The following XPO4 variants were observed in gnomAD, a reference collection of about 807,000 sequenced individuals.
XPO4 encodes the protein exportin 4.
XPO4 carries 39 observed loss-of-function variants against 143.0 expected under a neutral mutation model. The observed-to-expected ratio is 0.27, with a 90% CI of 0.21 to 0.36. The LOEUF (loss-of-function observed/expected upper bound fraction) is 0.36, where lower values mean the gene tolerates loss of function less well. Ranked by LOEUF, XPO4 falls within the 10% of genes least tolerant of loss-of-function variation. The pLI, the probability that XPO4 is intolerant of heterozygous loss-of-function variation, is 1.00. For missense variants in XPO4, 907 were observed against 1,348.0 expected (o/e 0.67, Z 5.12); for synonymous variants, 439 against 474.0 (o/e 0.93, Z 0.96).
rs1046536521 is a variant in XPO4, at chr13:20,879,190, C to T, written c.70-10489G>A. The T allele has an allele frequency of 8.1e-6, 8 of 985,220 alleles. No individual in the cohort carries two copies. In the African/African-American group the frequency reaches 1.2e-4, roughly 15 times the overall value. 61.0% of individuals were successfully genotyped at this position (985,220 alleles called of 1,614,324 possible). A position where few individuals can be genotyped will look rare whatever the true frequency, so the allele number is the denominator to read the frequency against. On this transcript the variant is annotated intron_variant, in intron 1 of 22. Transcript: ENST00000255305. Reference sequence around the variant, plus strand: ...AGAAGACAGGAGATTAAAGCCAGGGCCCATCTCAGGTAGGGATCTAACAAG... The same window carrying T: ...AGAAGACAGGAGATTAAAGCCAGGGTCCATCTCAGGTAGGGATCTAACAAG...
In XPO4 at chr13:20,782,943, A is replaced by T. The variant is rs1485203166; in HGVS notation, c.*779T>A. On this transcript the variant is annotated 3_prime_UTR_variant, in exon 23 of 23. Coordinates refer to ENST00000255305, the MANE Select transcript of XPO4 (RefSeq NM_022459.5). ...TGATTAGTGACTTGTATTACACAAA[A>T]CCTGCAGCACTGGGTTGATGTGAGA... 1 of 152,532 alleles carries T rather than the reference A, an allele frequency of 6.6e-6. No individual in the cohort carries two copies. 9.4% of individuals were successfully genotyped at this position (152,532 alleles called of 1,614,324 possible).
At chr13:20,858,367 C>T (rs905725647) in intron 3 of XPO4, among the ~76,000 whole-genome samples, 2 of 152,114 alleles carry the variant, frequency 1.3e-5, no homozygotes, top group Non-Finnish European at 2.9e-5. Context: ...TCAGAAGAGA[C>T]ACGTTCAAGA....
chr13:20,872,591 G>A (rs1007942529), intron 1 of XPO4, among the ~76,000 whole-genome samples: 11 of 152,206 alleles, frequency 7.2e-5, no homozygotes, highest in African/African-American at 2.7e-4. Flanking sequence ...ACAGGAAGGA[G>A]GAGGGAAGTT....
At chr13:20,819,431 G>A (rs2059690566) in intron 9 of XPO4, among the ~76,000 whole-genome samples, 2 of 152,108 alleles carry the variant, frequency 1.3e-5, no homozygotes, top group Admixed American at 6.5e-5. Context: ...GGAGGCTGGG[G>A]TGGGTGGACT....
chr13:20,898,371 C>T (rs1232216702), intron 1 of XPO4, among the ~76,000 whole-genome samples: 2 of 152,132 alleles, frequency 1.3e-5, no homozygotes, highest in Non-Finnish European at 2.9e-5. Context: ...TCAAGACTAG[C>T]CTGGCCAACG....
intron 4 of XPO4, among the ~76,000 whole-genome samples, chr13:20,846,299 A>G (rs2060028386): frequency 6.6e-6 from 1 of 152,216 alleles, no homozygotes; most frequent in Non-Finnish European, 1.5e-5. Flanking sequence ...ACATGAAACA[A>G]ACATTTCCCA....
At position 20,797,203 on chromosome 13, in the gene XPO4, A is replaced by T. The variant is rs1595063214; in HGVS notation, c.2323-146T>A. 1.2e-5 allele frequency: 9 copies of T among 751,246 alleles called. No homozygotes were observed. The East Asian group carries it at 2.7e-4, about 22-fold the overall frequency. The allele number at this position is 751,246 out of a possible 1,614,324, so 46.5% of individuals were successfully genotyped here. A position where few individuals can be genotyped will look rare whatever the true frequency, so the allele number is the denominator to read the frequency against. On this transcript the variant is annotated intron_variant, in intron 16 of 22. Coordinates refer to ENST00000255305, the MANE Select transcript of XPO4 (RefSeq NM_022459.5). ...AAAGAATATCTAAACCAGACTTTAC[A>T]CTCCCCATTTTGAGGGTCATCCTAA...
At chr13:20,789,327 A>C (rs1278106905) in intron 19 of XPO4, among the ~76,000 whole-genome samples, 2 of 151,760 alleles carry the variant, frequency 1.3e-5, no homozygotes, top group African/African-American at 4.8e-5. Context: ...AGATCCTGCT[A>C]TGCTGGCAAT....
At chr13:20,901,056 C>G (rs9579965) in intron 1 of XPO4, among the ~76,000 whole-genome samples, 14,615 of 152,206 alleles carry the variant, frequency 0.096, 863 homozygotes, top group Non-Finnish European at 0.14. Flanking sequence ...CCAGACAGAA[C>G]TGAGTTCAAG....
intron 14 of XPO4, among the ~76,000 whole-genome samples, 200 bp from the exon 15 acceptor site, chr13:20,800,525 G>A (rs754916131): frequency 5.3e-5 from 8 of 151,730 alleles, no homozygotes; most frequent in East Asian, 1.9e-4. Flanking sequence ...TGATTTTCCC[G>A]TCAACTTCTA....
chr13:20,867,315 CT>C (rs1421965959), intron 2 of XPO4, among the ~76,000 whole-genome samples: 1 of 152,230 alleles, frequency 6.6e-6, no homozygotes, highest in Admixed American at 6.5e-5. Context: ...TTCACCACTG[CT>C]GCTAGTTCCT....
Position 20,783,647 on chromosome 13 carries a change from C to A in XPO4, c.*75G>T. 1 of 1,518,010 alleles carries A rather than the reference C, an allele frequency of 6.6e-7. No individual in the cohort carries two copies. The allele number at this position is 1,518,010 out of a possible 1,614,324, so 94.0% of individuals were successfully genotyped here. ...TGGCCAAATGAACTGAGGAATAGGA[C>A]AAGACTCAAGTCAACTTTCAGCAAT... On this transcript the variant is annotated 3_prime_UTR_variant, in exon 23 of 23. Transcript: ENST00000255305.
chr13:20,850,767 A>C (rs775229986), intron 4 of XPO4: 1 of 983,640 alleles, frequency 1.0e-6, no homozygotes, highest in Non-Finnish European at 1.2e-6. Context: ...CCTGTTTCTA[A>C]AACAACAAAA....
chr13:20,892,139 T>G (rs1311243965), intron 1 of XPO4, among the ~76,000 whole-genome samples: 1 of 151,968 alleles, frequency 6.6e-6, no homozygotes, highest in Admixed American at 6.6e-5. Context: ...TCACTGCAAG[T>G]GCAGTGGCAC....
At chr13:20,813,125 T>C (rs1338246150) in intron 9 of XPO4, among the ~76,000 whole-genome samples, 1 of 152,016 alleles carries the variant, frequency 6.6e-6, no homozygotes, top group Non-Finnish European at 1.5e-5. Flanking sequence ...AGTGAGGAGA[T>C]AACTGCCACA....
At chr13:20,883,885 A>G (rs904905567) in intron 1 of XPO4, among the ~76,000 whole-genome samples, 10 of 152,146 alleles carry the variant, frequency 6.6e-5, no homozygotes, top group African/African-American at 1.4e-4. Flanking sequence ...CTCCTGCCTC[A>G]GCCTCCCGAG....
chr13:20,850,831 A>C lies in XPO4; in HGVS notation c.456+4796T>G, dbSNP rs1011823371. The C allele has an allele frequency of 2.4e-5, 24 of 985,436 alleles. No individual in the cohort carries two copies. The African/African-American group carries it at 3.7e-4, about 15-fold the overall frequency. The allele number at this position is 985,436 out of a possible 1,614,324, so 61.0% of individuals were successfully genotyped here. ...AGCGAAGGGGGAAAAGCCAGACTAC[A>C]TACAGTTTCTGGCCAATGAAGGTTG... On this transcript the variant is annotated intron_variant, in intron 4 of 22. Coordinates refer to ENST00000255305, the MANE Select transcript of XPO4 (RefSeq NM_022459.5).
intron 1 of XPO4, among the ~76,000 whole-genome samples, chr13:20,896,782 C>T (rs2060573868): frequency 6.6e-6 from 1 of 152,096 alleles, no homozygotes; most frequent in South Asian, 2.1e-4. Flanking sequence ...TTAGGACTCC[C>T]GTTTTACTTC....
chr13:20,805,260 T>C (rs1183474864), intron 13 of XPO4, among the ~76,000 whole-genome samples: 2 of 152,168 alleles, frequency 1.3e-5, no homozygotes, highest in African/African-American at 4.8e-5. Context: ...CATTTACTCT[T>C]AATGCAGCAG....
Sources: gnomAD v4.1 joint callset for allele counts (sites outside exome capture counted in the v4.1 genomes callset) on GRCh38, gnomAD v4.1.1 for gene constraint, MANE v1.5 for transcripts, NCBI Gene and HGNC (gene_info 2026-07-23, HGNC 2026-07-21) for gene names.